The following PCDHA7 variants were observed in gnomAD, a reference collection of about 807,000 sequenced individuals.
The protein encoded by PCDHA7 is protocadherin alpha 7.
PCDHA7 carries 37 observed loss-of-function variants against 57.2 expected under a neutral mutation model. The observed-to-expected ratio is 0.65, with a 90% CI of 0.50 to 0.85. The LOEUF (loss-of-function observed/expected upper bound fraction) is 0.85. Ranked by LOEUF, PCDHA7 falls within the 40% of genes least tolerant of loss-of-function variation. The pLI is 0.00. For synonymous variants in PCDHA7, 553 were observed against 558.8 expected, an observed-to-expected ratio of 0.99 and a Z score of 0.15; for missense variants, 1,188 against 1,241.8, an observed-to-expected ratio of 0.96 and a Z score of 0.65.
At chr5:140,883,240 C>G in intron 1 of PCDHA7, 1 of 1,613,998 alleles carries the variant, frequency 6.2e-7, no homozygotes, top group Non-Finnish European at 8.5e-7. Context: ...AGGCAGTTGA[C>G]AAAGGAAATA....
intron 1 of PCDHA7, among the ~76,000 whole-genome samples, chr5:140,936,322 A>C (rs1225268806): frequency 2.6e-5 from 4 of 152,196 alleles, no homozygotes; most frequent in Admixed American, 6.5e-5. Context: ...CTGACATGCT[A>C]TAAATTTTCT....
At chr5:140,972,691 G>A (rs1213069719) in intron 1 of PCDHA7, among the ~76,000 whole-genome samples, 3 of 137,348 alleles carry the variant, frequency 2.2e-5, no homozygotes, top group Admixed American at 1.5e-4. Flanking sequence ...TTGAGATGGA[G>A]TCTCACTCTG....
intron 1 of PCDHA7, chr5:140,877,310 C>G (rs371801888): frequency 6.2e-7 from 1 of 1,613,938 alleles, no homozygotes; most frequent in Non-Finnish European, 8.5e-7. Flanking sequence ...GAGTTGCAAC[C>G]GGCGGCGGTC....
chr5:140,872,623 T>C (rs960064096), intron 1 of PCDHA7, among the ~76,000 whole-genome samples: 3 of 152,152 alleles, frequency 2.0e-5, no homozygotes, highest in African/African-American at 4.8e-5. Flanking sequence ...TTGCCTGTTC[T>C]TGATTTTGTT....
intron 1 of PCDHA7, chr5:140,856,255 A>G: frequency 2.5e-6 from 4 of 1,597,974 alleles, no homozygotes; most frequent in Non-Finnish European, 3.4e-6. Flanking sequence ...CGTCCAAAAG[A>G]CACGGGGACC....
chr5:140,871,031 G>C (rs543880939), intron 1 of PCDHA7: 4 of 1,613,210 alleles, frequency 2.5e-6, no homozygotes, highest in Middle Eastern at 3.3e-4. Flanking sequence ...GACTCGCCGC[G>C]CCACCGACTT....
intron 1 of PCDHA7, among the ~76,000 whole-genome samples, chr5:140,880,228 A>G (rs2058273237): frequency 6.6e-6 from 1 of 152,196 alleles, no homozygotes; most frequent in Non-Finnish European, 1.5e-5. Context: ...GAACATTTAA[A>G]TTAGTGTATG....
At chr5:140,944,617 G>A (rs374007868) in intron 1 of PCDHA7, among the ~76,000 whole-genome samples, 6 of 152,192 alleles carry the variant, frequency 3.9e-5, no homozygotes, top group African/African-American at 1.4e-4. Flanking sequence ...TGCTGTAGAA[G>A]TATAGTGTTG....
At chr5:140,893,888 G>A (rs1182777052) in intron 1 of PCDHA7, among the ~76,000 whole-genome samples, 1 of 152,128 alleles carries the variant, frequency 6.6e-6, no homozygotes, top group Non-Finnish European at 1.5e-5. Context: ...TGGCCAGAAA[G>A]TTACTTTACC....
intron 1 of PCDHA7, among the ~76,000 whole-genome samples, chr5:140,932,053 C>T (rs1358715698): frequency 6.6e-6 from 1 of 151,780 alleles, no homozygotes; most frequent in Non-Finnish European, 1.5e-5. Flanking sequence ...GCCTGTAATA[C>T]TAAAAATTAT....
At chr5:140,954,623 G>C (rs1277762311) in intron 1 of PCDHA7, among the ~76,000 whole-genome samples, 2 of 151,776 alleles carry the variant, frequency 1.3e-5, no homozygotes, top group African/African-American at 4.8e-5. Flanking sequence ...GGCTTGTTTG[G>C]GTTTTTCTTG....
chr5:140,995,684 A>G (rs2097694657), intron 3 of PCDHA7, among the ~76,000 whole-genome samples: 1 of 152,144 alleles, frequency 6.6e-6, no homozygotes, highest in Non-Finnish European at 1.5e-5. Context: ...ATTTTTTTTA[A>G]TTGTTAAATA....
Position 140,924,253 on chromosome 5 carries a change from A to T in PCDHA7, c.2356-54696A>T, listed in dbSNP as rs550218351. ...ATGGGCTGTTTTGCATCCTGGTGAGATCTAATGAGGTCTGTACTTGTGACT... is the reference window on the plus strand; with the variant it reads ...ATGGGCTGTTTTGCATCCTGGTGAGTTCTAATGAGGTCTGTACTTGTGACT... On this transcript the variant is annotated intron_variant, in intron 1 of 3. Coordinates refer to ENST00000525929, the MANE Select transcript of PCDHA7 (RefSeq NM_018910.3). Among the ~76,000 whole-genome samples, 68 of 152,330 alleles carry T rather than the reference A, an allele frequency of 4.5e-4. No homozygotes were observed. In the South Asian group the frequency reaches 0.013, roughly 29 times the overall value.
chr5:140,868,938 T>C, intron 1 of PCDHA7: 1 of 1,227,722 alleles, frequency 8.1e-7, no homozygotes. Context: ...AAGGTTGGTC[T>C]GAACAGTGAG....
intron 1 of PCDHA7, chr5:140,927,539 A>G (rs1554204701): frequency 6.2e-7 from 1 of 1,614,112 alleles, no homozygotes; most frequent in Non-Finnish European, 8.5e-7. Flanking sequence ...CGCTCAGGAG[A>G]CGCACAAGTC....
At chr5:140,892,086 C>T (rs965682257) in intron 1 of PCDHA7, among the ~76,000 whole-genome samples, 1 of 152,156 alleles carries the variant, frequency 6.6e-6, no homozygotes, top group Non-Finnish European at 1.5e-5. Context: ...CTAGTTTCCT[C>T]TCGAAACTTT....
chr5:140,924,132 T>C (rs1417924703), intron 1 of PCDHA7, among the ~76,000 whole-genome samples: 1 of 152,246 alleles, frequency 6.6e-6, no homozygotes, highest in East Asian at 1.9e-4. Flanking sequence ...TTAGCAGCAT[T>C]AATTTAAAAT....
chr5:140,857,186 G>A lies in PCDHA7; in HGVS notation c.2355+20448G>A, dbSNP rs782390373. On this transcript the variant is annotated intron_variant, in intron 1 of 3. Coordinates refer to ENST00000525929, the MANE Select transcript of PCDHA7 (RefSeq NM_018910.3). ...CAGCGTTTCTGACCATGATTCAGGA[G>A]CCAACGGACAGGTCACCTGCTCTCT... 5.0e-6 allele frequency: 8 copies of A among 1,598,548 alleles called. No individual in the cohort carries two copies. In the East Asian group the frequency reaches 1.8e-4, roughly 36 times the overall value.
chr5:140,972,660 A>AT (rs11350929), intron 1 of PCDHA7, among the ~76,000 whole-genome samples: 2,691 of 117,234 alleles, frequency 0.023, 50 homozygotes, highest in South Asian at 0.067. Context: ...AAGAAACCAA[A>AT]TTTTTTTTTT....
Sources: gnomAD v4.1 joint callset for allele counts (sites outside exome capture counted in the v4.1 genomes callset) on GRCh38, gnomAD v4.1.1 for gene constraint, MANE v1.5 for transcripts, NCBI Gene and HGNC (gene_info 2026-07-23, HGNC 2026-07-21) for gene names.